The following DPPA4 variants were observed in gnomAD, a reference collection of about 807,000 sequenced individuals.
The protein encoded by DPPA4 is developmental pluripotency-associated protein 4.
A neutral mutation model predicts 33.7 loss-of-function variants in DPPA4; 22 were observed. The observed-to-expected ratio is 0.65, with a 90% confidence interval of 0.47 to 0.93. The LOEUF is 0.93. Among genes scored for constraint, DPPA4 ranks in the 40% least tolerant of loss-of-function variants. The pLI is 0.00. For missense variants in DPPA4, 340 were observed against 358.6 expected (o/e 0.95, Z 0.42); for synonymous variants, 156 against 132.3 (o/e 1.18, Z -1.23).
At chr3:109,335,248 G>T (rs1708167157) in intron 1 of DPPA4, among the ~76,000 whole-genome samples, 1 of 152,158 alleles carries the variant, frequency 6.6e-6, no homozygotes, top group Non-Finnish European at 1.5e-5. Context: ...TACCTCCCGG[G>T]TTCAAGTGAT....
upstream of DPPA4, chr3:109,337,609 CTCT>C: frequency 9.3e-7 from 1 of 1,073,568 alleles, no homozygotes; most frequent in South Asian, 1.3e-5. Context: ...TCCACCTCAC[CTCT>C]TCTTTTCTTC....
chr3:109,327,125 A>G lies in DPPA4; in HGVS notation c.*863T>C, dbSNP rs768872591. On this transcript the variant is annotated 3_prime_UTR_variant, in exon 7 of 7. Transcript: ENST00000335658. ...CCTTGTGTTTTGATCCTGGAGTCAAACCATAGAAATCTCAGGTTATTAAGA... is the reference window on the plus strand; with the variant it reads ...CCTTGTGTTTTGATCCTGGAGTCAAGCCATAGAAATCTCAGGTTATTAAGA... The G allele has an allele frequency of 6.6e-6, 1 of 151,174 alleles. No individual in the cohort carries two copies. Among genetic ancestry groups the G allele is most frequent in the African/African-American group, 2.5e-5 (1 of 40,460 alleles). 9.4% of individuals were successfully genotyped at this position (151,174 alleles called of 1,614,324 possible).
At chr3:109,330,295 TG>T (rs770802412) in intron 5 of DPPA4, 3 of 380,180 alleles carry the variant, frequency 7.9e-6, no homozygotes, top group Non-Finnish European at 1.4e-5. Flanking sequence ...AGGGAGAAAC[TG>T]TCTCAAAAAA....
rs1320774164 is a variant in DPPA4, at chr3:109,337,494, A to G, written c.24T>C (p.Ser8=). 1.9e-6 allele frequency: 3 copies of G among 1,614,148 alleles called. No individual in the cohort carries two copies. Among genetic ancestry groups the G allele is most frequent in the East Asian group, 2.2e-5 (1 of 44,868 alleles). Residue 8 remains serine, a synonymous_variant, in exon 1 of 7, where the codon TCT becomes TCC. Coordinates refer to ENST00000335658, the MANE Select transcript of DPPA4 (RefSeq NM_018189.4). MLRGSAS[S]TSMEKAKGKE... is the part of the protein sequence containing the mutation. Reference sequence around the variant, plus strand: ...TGCCTTTTGCCTTCTCCATACTTGTAGAAGAAGCGGAGCCTCGCAACATGC... The same window carrying G: ...TGCCTTTTGCCTTCTCCATACTTGTGGAAGAAGCGGAGCCTCGCAACATGC...
chr3:109,327,653 G>C lies in DPPA4; in HGVS notation c.*335C>G, dbSNP rs1576832629. On this transcript the variant is annotated 3_prime_UTR_variant, in exon 7 of 7. Transcript: ENST00000335658. ...CCACTGCACTCCAGCCTGGGCAACA[G>C]TGAGACACTGTCTCAAAATACAACA... The C allele has an allele frequency of 1.8e-5, 4 of 218,010 alleles. No homozygotes were observed. In the East Asian group the frequency reaches 5.0e-4, roughly 27 times the overall value. The allele number at this position is 218,010 out of a possible 1,614,324, so 13.5% of individuals were successfully genotyped here.
Position 109,327,936 on chromosome 3 carries a change from C to A in DPPA4, c.*52G>T. ...GTCAGCAGCACCGCAGAATCCAACTCTCCAGCTTTTCTGCCATTAATTACC... is the reference window on the plus strand; with the variant it reads ...GTCAGCAGCACCGCAGAATCCAACTATCCAGCTTTTCTGCCATTAATTACC... On this transcript the variant is annotated 3_prime_UTR_variant, in exon 7 of 7. Transcript: ENST00000335658. 1 of 1,334,370 alleles carries A rather than the reference C, an allele frequency of 7.5e-7. No individual in the cohort carries two copies. Among genetic ancestry groups the A allele is most frequent in the African/African-American group, 1.5e-5 (1 of 68,832 alleles). The allele number at this position is 1,334,370 out of a possible 1,614,324, so 82.7% of individuals were successfully genotyped here.
chr3:109,333,763 G>T, intron 2 of DPPA4, 107 bp downstream of exon 2: 1 of 1,365,776 alleles, frequency 7.3e-7, no homozygotes, highest in Non-Finnish European at 1.0e-6. Context: ...TGCAGGATTT[G>T]CACAATACAT....
At chr3:109,335,918 C>T (rs1331301869) in intron 1 of DPPA4, among the ~76,000 whole-genome samples, 3 of 151,390 alleles carry the variant, frequency 2.0e-5, no homozygotes, top group African/African-American at 7.3e-5. Flanking sequence ...TTTGGGAGGC[C>T]GAGGTGGGCT....
chr3:109,337,048 G>A (rs1708229223), intron 1 of DPPA4, among the ~76,000 whole-genome samples: 1 of 152,004 alleles, frequency 6.6e-6, no homozygotes, highest in Non-Finnish European at 1.5e-5. Context: ...TTACAGGTGT[G>A]CGCCACCACA....
At position 109,330,564 on chromosome 3, in the gene DPPA4, C is replaced by A; in HGVS notation, c.639G>T (p.Ala213=). 2.5e-6 allele frequency: 4 copies of A among 1,614,000 alleles called. No homozygotes were observed. The highest frequency in any genetic ancestry group is 2.5e-6 in the Non-Finnish European group (3 of 1,179,990). ...GAGATTCCACTGCCTCTGGTGTCCTCGCCCTGGCTGAAATTCTCGCCCAGG... is the reference window on the plus strand; with the variant it reads ...GAGATTCCACTGCCTCTGGTGTCCTAGCCCTGGCTGAAATTCTCGCCCAGG... ...LASWARISAR[A]RTPEAVESPQ... The change falls in exon 5 of 7, where the codon GCG becomes GCT. Residue 213 remains alanine, a synonymous_variant. Coordinates refer to ENST00000335658, the MANE Select transcript of DPPA4 (RefSeq NM_018189.4).
rs1707976451 is a variant in DPPA4, at chr3:109,328,091, C to T, written c.879-67G>A. 4.8e-6 allele frequency: 5 copies of T among 1,040,496 alleles called. No homozygotes were observed. The South Asian group carries it at 5.2e-5, about 11-fold the overall frequency. 64.5% of individuals were successfully genotyped at this position (1,040,496 alleles called of 1,614,324 possible). A position where few individuals can be genotyped will look rare whatever the true frequency, so the allele number is the denominator to read the frequency against. On this transcript the variant is annotated intron_variant, in intron 6 of 6. Transcript: ENST00000335658. ...AAATATTAAAAATAGCCAAGAAACC[C>T]GCTGCTGGAATGCTGTTGAAATTGC...
At chr3:109,330,431 G>A (rs1379494123) in intron 5 of DPPA4, 93 bp downstream of exon 5, 2 of 1,467,954 alleles carry the variant, frequency 1.4e-6, no homozygotes, top group Non-Finnish European at 1.9e-6. Context: ...GCCCTCAAAG[G>A]GATTTTGATA....
chr3:109,335,783 C>G (rs1708182279), intron 1 of DPPA4, among the ~76,000 whole-genome samples: 1 of 151,990 alleles, frequency 6.6e-6, no homozygotes, highest in Admixed American at 6.6e-5. Context: ...GCAACAATTA[C>G]TTCTCAGACA....
intron 1 of DPPA4, among the ~76,000 whole-genome samples, 165 bp downstream of exon 1, chr3:109,337,299 T>A (rs1708234323): frequency 6.6e-6 from 1 of 151,160 alleles, no homozygotes. Flanking sequence ...TATACCAGGC[T>A]GCAATCATAT....
upstream of DPPA4, among the ~76,000 whole-genome samples, chr3:109,339,489 C>T (rs1708272333): frequency 6.6e-6 from 1 of 151,994 alleles, no homozygotes; most frequent in African/African-American, 2.4e-5. Flanking sequence ...AAGAGCAGGG[C>T]GTGGTGGCTC....
intron 2 of DPPA4, 36 bp downstream of exon 2, chr3:109,333,834 G>C: frequency 6.2e-7 from 1 of 1,607,390 alleles, no homozygotes; most frequent in Non-Finnish European, 8.5e-7. Context: ...TCTAAGACCC[G>C]AGAAGGTGGG....
intron 2 of DPPA4, 176 bp downstream of exon 2, chr3:109,333,694 G>A: frequency 1.6e-6 from 1 of 630,552 alleles, no homozygotes. Flanking sequence ...ATCAGTTAGA[G>A]CAGTGGTGAC....
Position 109,331,960 on chromosome 3 carries a change from A to G in DPPA4, c.250T>C (p.Leu84=). 4.3e-6 allele frequency: 7 copies of G among 1,614,066 alleles called. No homozygotes were observed. The highest frequency in any genetic ancestry group is 5.9e-6 in the Non-Finnish European group (7 of 1,179,990). ...RPQKKIPIPP[L]PSKLPPVNLI... Reference sequence around the variant, plus strand: ...TTAACAGGTGGCAGTTTAGAAGGTAATGGAGGGATTGGTATCTTCTTCTGA... The same window carrying G: ...TTAACAGGTGGCAGTTTAGAAGGTAGTGGAGGGATTGGTATCTTCTTCTGA... The change falls in exon 3 of 7, where the codon TTA becomes CTA. Residue 84 remains leucine, a synonymous_variant. Transcript: ENST00000335658.
In DPPA4 at chr3:109,330,689, G is replaced by C. The variant is rs748000660; in HGVS notation, c.514C>G (p.Pro172Ala). 14 of 1,614,146 alleles carry C rather than the reference G, an allele frequency of 8.7e-6. No individual in the cohort carries two copies. Among genetic ancestry groups the C allele is most frequent in the Non-Finnish European group, 1.2e-5 (14 of 1,180,022 alleles). ...ETHPPEVALPPVGEPPALENS... is the reference protein window; with the variant it reads ...ETHPPEVALPAVGEPPALENS... ...TCCAGGGCAGGCGGCTCCCCCACAG[G>C]AGGAAGAGCCACTTCAGGAGGATGT... is the stretch of plus-strand genomic sequence containing the variant. Residue 172 changes from proline to alanine, a missense_variant, in exon 5 of 7, where the codon CCT becomes GCT. Transcript: ENST00000335658.
Sources: gnomAD v4.1 joint callset for allele counts (sites outside exome capture counted in the v4.1 genomes callset) on GRCh38, gnomAD v4.1.1 for gene constraint, MANE v1.5 for transcripts, NCBI Gene and HGNC (gene_info 2026-07-23, HGNC 2026-07-21) for gene names.